CLEC12A: variants seen among roughly 807,000 people sequenced by gnomAD.
CLEC12A encodes C-type lectin protein CLL-1.
CLEC12A carries 22 observed loss-of-function variants against 26.5 expected under a neutral mutation model. The observed-to-expected ratio is 0.83, with a 90% CI of 0.59 to 1.19. CLEC12A has a LOEUF of 1.19. CLEC12A is among the 50% of genes most tolerant of loss of function. CLEC12A has a pLI of 0.00. For synonymous variants in CLEC12A, 119 were observed against 101.9 expected, an observed-to-expected ratio of 1.17 and a Z score of -1.01; for missense variants, 353 against 315.6, an observed-to-expected ratio of 1.12 and a Z score of -0.90.
intron 1 of CLEC12A, among the ~76,000 whole-genome samples, chr12:9,978,225 G>A (rs1338851378): frequency 6.6e-6 from 1 of 151,734 alleles, no homozygotes; most frequent in Non-Finnish European, 1.5e-5. Context: ...ACATAATGAT[G>A]ATTTAAATAA....
intron 4 of CLEC12A, chr12:9,992,948 AATG>A (rs1214029109): frequency 6.0e-6 from 3 of 502,254 alleles, no homozygotes; most frequent in Non-Finnish European, 1.1e-5. Flanking sequence ...TTGGGAAGCA[AATG>A]ATAAACTCAC....
downstream of CLEC12A, among the ~76,000 whole-genome samples, chr12:9,986,953 C>A (rs558695563): frequency 2.6e-5 from 4 of 152,270 alleles, no homozygotes; most frequent in African/African-American, 7.2e-5. Flanking sequence ...GTCTCAAATT[C>A]TTTTATTTTA....
chr12:9,962,679 G>A (rs1863855801), intron 1 of CLEC12A, among the ~76,000 whole-genome samples: 1 of 152,142 alleles, frequency 6.6e-6, no homozygotes, highest in African/African-American at 2.4e-5. Flanking sequence ...GCCAGGATGA[G>A]CCAGGAGAAG....
chr12:9,967,188 A>G (rs912612484), upstream of CLEC12A, among the ~76,000 whole-genome samples: 1 of 151,910 alleles, frequency 6.6e-6, no homozygotes, highest in African/African-American at 2.4e-5. Context: ...AAGATTAGAA[A>G]GACTCAGCGA....
chr12:9,979,225 T>C, intron 2 of CLEC12A, 111 bp from the exon 3 acceptor site: 1 of 988,262 alleles, frequency 1.0e-6, no homozygotes, highest in Non-Finnish European at 1.5e-6. Flanking sequence ...CTCACTCCTG[T>C]AGAGTAATTG....
chr12:9,991,539 G>A (rs1864892861), intron 4 of CLEC12A: 1 of 151,990 alleles, frequency 6.6e-6, no homozygotes, highest in Non-Finnish European at 1.5e-5. Flanking sequence ...AAAACATACT[G>A]ATACCATCAC....
In CLEC12A at chr12:9,980,700, C is replaced by T; in HGVS notation, c.498C>T (p.Ala166=). The T allele has an allele frequency of 1.2e-6, 2 of 1,613,594 alleles. No individual in the cohort carries two copies. The highest frequency in any genetic ancestry group is 2.2e-5 in the East Asian group (1 of 44,870). ...ESKMACAAQN[A]SLLKINNKNA... ...AAATGGCCTGTGCTGCTCAGAATGC[C>T]AGCCTGTTGAAGATAAACAACAAAA... Residue 166 remains alanine (A), a synonymous_variant, in exon 4 of 6, where the codon GCC becomes GCT. Coordinates refer to ENST00000304361, the MANE Select transcript of CLEC12A (RefSeq NM_138337.6).
intron 4 of CLEC12A, chr12:9,993,086 A>G (rs1864928432): frequency 2.0e-6 from 3 of 1,517,152 alleles, no homozygotes; most frequent in African/African-American, 2.8e-5. Flanking sequence ...GCATTCATAC[A>G]TATCTTTTAT....
chr12:9,994,833 G>A (rs554151058), intron 4 of CLEC12A, among the ~76,000 whole-genome samples: 36 of 150,874 alleles, frequency 2.4e-4, no homozygotes, highest in South Asian at 4.2e-4. Flanking sequence ...GTGCATGCGC[G>A]CACACACACA....
At chr12:9,965,680 C>T (rs998994261) in intron 1 of CLEC12A, among the ~76,000 whole-genome samples, 1 of 151,998 alleles carries the variant, frequency 6.6e-6, no homozygotes, top group Non-Finnish European at 1.5e-5. Context: ...CTGAACTAAC[C>T]TGTAAGCCTT....
chr12:9,987,553 G>C (rs1208544708), downstream of CLEC12A, among the ~76,000 whole-genome samples: 1 of 152,146 alleles, frequency 6.6e-6, no homozygotes, highest in East Asian at 1.9e-4. Flanking sequence ...CATTCAGCAT[G>C]TTCAATTAAC....
At chr12:9,956,251 A>C (rs1466629845) in intron 1 of CLEC12A, among the ~76,000 whole-genome samples, 1 of 152,218 alleles carries the variant, frequency 6.6e-6, no homozygotes, top group Non-Finnish European at 1.5e-5. Context: ...AAACAACCTA[A>C]GTCTATAATT....
rs373897817 is a variant in CLEC12A, at chr12:9,971,707, A to G, written c.91+20A>G. The G allele has an allele frequency of 2.5e-6, 4 of 1,604,138 alleles. No homozygotes were observed. The African/African-American group carries it at 4.0e-5, about 16-fold the overall frequency. On this transcript the variant is annotated intron_variant, in intron 1 of 5. Transcript: ENST00000304361. The stretch of plus-strand genomic sequence containing the variant: ...AAAAAGGTAAGATTTTGAGTTATGG[A>G]TGTGTTGTAAGTTTGTATAATAGAA...
intron 1 of CLEC12A, among the ~76,000 whole-genome samples, chr12:9,963,788 G>A (rs1863879388): frequency 6.6e-6 from 1 of 152,160 alleles, no homozygotes; most frequent in Non-Finnish European, 1.5e-5. Context: ...GAGAAGGAGT[G>A]CTGAAAGGGG....
chr12:9,965,629 G>A (rs922337815), intron 1 of CLEC12A, among the ~76,000 whole-genome samples: 1 of 152,026 alleles, frequency 6.6e-6, no homozygotes, highest in Non-Finnish European at 1.5e-5. Context: ...TGGCACCATG[G>A]GGTGGTTAGG....
downstream of CLEC12A, among the ~76,000 whole-genome samples, chr12:10,000,096 T>A (rs1320149200): frequency 6.6e-6 from 1 of 152,220 alleles, no homozygotes; most frequent in East Asian, 1.9e-4. Context: ...TCTTACATAG[T>A]TTTATGGCAG....
chr12:9,975,461 C>T (rs1178172575), intron 1 of CLEC12A, among the ~76,000 whole-genome samples: 1 of 152,150 alleles, frequency 6.6e-6, no homozygotes, highest in Non-Finnish European at 1.5e-5. Context: ...CATTTTGCTC[C>T]TGCCCTAGAA....
Position 9,978,019 on chromosome 12 carries a change from A to G in CLEC12A, c.92-947A>G, listed in dbSNP as rs144045554. On this transcript the variant is annotated intron_variant, in intron 1 of 5. Coordinates refer to ENST00000304361, the MANE Select transcript of CLEC12A (RefSeq NM_138337.6). Reference sequence around the variant, plus strand: ...TTGAACATGTAGTTCTTTCAGTAGTAACTATTTTCTAAAGTCTATATAAGT... The same window carrying G: ...TTGAACATGTAGTTCTTTCAGTAGTGACTATTTTCTAAAGTCTATATAAGT... Among the ~76,000 whole-genome samples the G allele has an allele frequency of 5.5e-3, 838 of 152,224 alleles. 7 individuals are homozygous for G. The highest frequency in any genetic ancestry group is 0.019 in the African/African-American group (806 of 41,560).
intron 5 of CLEC12A, among the ~76,000 whole-genome samples, chr12:9,982,777 CT>C (rs1163381912): frequency 6.6e-6 from 1 of 152,094 alleles, no homozygotes; most frequent in African/African-American, 2.4e-5. Context: ...ATTTCTCATT[CT>C]TTATTTTCTT....
Sources: gnomAD v4.1 joint callset for allele counts (sites outside exome capture counted in the v4.1 genomes callset) on GRCh38, gnomAD v4.1.1 for gene constraint, MANE v1.5 for transcripts, NCBI Gene and HGNC (gene_info 2026-07-23, HGNC 2026-07-21) for gene names.